The following MYO16 variants were observed in gnomAD, a reference collection of about 807,000 sequenced individuals.
MYO16 encodes the protein myosin XVI.
A neutral mutation model predicts 205.3 loss-of-function variants in MYO16; 94 were observed. The observed-to-expected ratio is 0.46, with a 90% CI of 0.39 to 0.54. The LOEUF (loss-of-function observed/expected upper bound fraction) is 0.54. MYO16 is among the 20% of genes least tolerant of loss of function. The pLI is 0.00. For missense variants in MYO16, 2,315 were observed against 2,387.5 expected, an observed-to-expected ratio of 0.97 and a Z score of 0.63; for synonymous variants, 988 against 954.0, an observed-to-expected ratio of 1.04 and a Z score of -0.66.
chr13:108,922,442 T>C (rs1881785111), intron 16 of MYO16, among the ~76,000 whole-genome samples: 2 of 152,182 alleles, frequency 1.3e-5, no homozygotes, highest in Admixed American at 1.3e-4. Context: ...AACTCCCTCT[T>C]TCACGTCTTC....
the MYO16 span, among the ~76,000 whole-genome samples, chr13:108,503,416 T>C: frequency 6.6e-6 from 1 of 151,794 alleles, no homozygotes; most frequent in East Asian, 1.9e-4. Flanking sequence ...GCCCCAATTT[T>C]CTTCATCAAG....
intron 5 of MYO16, among the ~76,000 whole-genome samples, chr13:108,788,511 T>C (rs745806228): frequency 2.6e-5 from 4 of 152,220 alleles, no homozygotes; most frequent in Non-Finnish European, 5.9e-5. Context: ...GGATACATTA[T>C]ACACACACAT....
At position 109,127,249 on chromosome 13, in the gene MYO16, C is replaced by T. The variant is rs763689340; in HGVS notation, c.3783-33C>T. ...GAATAATGCATCTGGGCCTCTCTGGCGTGGTGCTGTTTGTGTTTTGTTTCC... is the reference window on the plus strand; with the variant it reads ...GAATAATGCATCTGGGCCTCTCTGGTGTGGTGCTGTTTGTGTTTTGTTTCC... On this transcript the variant is annotated intron_variant, in intron 30 of 34. Transcript: ENST00000457511. The surrounding 1 kb of genome is among the most constrained non-coding windows in gnomAD (Gnocchi z 4.2). The T allele has an allele frequency of 3.2e-6, 5 of 1,541,578 alleles. No homozygotes were observed. The highest frequency in any genetic ancestry group is 2.7e-5 in the African/African-American group (2 of 73,200).
At chr13:108,678,253 A>C (rs16972902) in intron 2 of MYO16, among the ~76,000 whole-genome samples, 1 of 152,232 alleles carries the variant, frequency 6.6e-6, no homozygotes. Flanking sequence ...TTCATAAAGC[A>C]GCATTTGCAA....
At chr13:108,968,854 G>A (rs116668679) in intron 20 of MYO16, among the ~76,000 whole-genome samples, 2,564 of 152,282 alleles carry the variant, frequency 0.017, 56 homozygotes, top group African/African-American at 0.058. Flanking sequence ...CCCCACGAAC[G>A]CAGGAAGACT....
At chr13:108,836,668 C>G (rs1165703262) in intron 9 of MYO16, among the ~76,000 whole-genome samples, 1 of 152,202 alleles carries the variant, frequency 6.6e-6, no homozygotes, top group African/African-American at 2.4e-5. Context: ...CCTCTTGCAT[C>G]AGTGTAACCT....
intron 2 of MYO16, among the ~76,000 whole-genome samples, chr13:108,677,110 A>G (rs1226035838): frequency 2.6e-5 from 4 of 152,098 alleles, no homozygotes; most frequent in African/African-American, 9.7e-5. Context: ...GTCATCTTCC[A>G]TGTACTGTTC....
chr13:108,734,065 C>T (rs1884611447), intron 4 of MYO16, among the ~76,000 whole-genome samples: 1 of 152,252 alleles, frequency 6.6e-6, no homozygotes, highest in Non-Finnish European at 1.5e-5. Context: ...AAATACTGAG[C>T]TTCGCTCCTA....
intron 22 of MYO16, among the ~76,000 whole-genome samples, chr13:109,019,000 C>T (rs9587747): frequency 0.016 from 2,363 of 147,208 alleles, 66 homozygotes; most frequent in African/African-American, 0.057. Context: ...GGCAGGGTTG[C>T]GTCTGTTGTC....
intron 33 of MYO16, among the ~76,000 whole-genome samples, chr13:109,178,289 C>T (rs1404116502): frequency 1.3e-5 from 2 of 151,378 alleles, no homozygotes; most frequent in East Asian, 3.9e-4. Context: ...CAGCAAGAGA[C>T]CCCCCCCACC....
At chr13:109,089,188 C>CATTATT (rs34430414) in intron 27 of MYO16, among the ~76,000 whole-genome samples, 20,501 of 147,730 alleles carry the variant, frequency 0.14, 1,794 homozygotes, top group Non-Finnish European at 0.19. Context: ...TTGTTTTCTG[C>CATTATT]ATTATTATTA....
chr13:108,783,848 C>A (rs906605795), intron 4 of MYO16, among the ~76,000 whole-genome samples: 1 of 152,194 alleles, frequency 6.6e-6, no homozygotes. Context: ...GAGGCCTCCC[C>A]AGGCTTGTGA....
At chr13:108,783,799 G>A (rs183636947) in intron 4 of MYO16, among the ~76,000 whole-genome samples, 9 of 152,154 alleles carry the variant, frequency 5.9e-5, no homozygotes, top group East Asian at 5.8e-4. Flanking sequence ...TTTTACTGAC[G>A]CCTTGTAAGA....
intron 33 of MYO16, among the ~76,000 whole-genome samples, chr13:109,173,875 G>C (rs568063288): frequency 9.4e-6 from 1 of 106,268 alleles, no homozygotes; most frequent in African/African-American, 3.9e-5. Context: ...GTGACAGAGC[G>C]AGACTCCATC....
intron 6 of MYO16, among the ~76,000 whole-genome samples, chr13:108,800,316 C>T (rs1304588809): frequency 6.6e-6 from 1 of 152,206 alleles, no homozygotes; most frequent in Non-Finnish European, 1.5e-5. Context: ...TACAGCCTCT[C>T]TTTGCCATAA....
chr13:108,995,909 C>T (rs1368001272), intron 21 of MYO16, among the ~76,000 whole-genome samples: 4 of 152,006 alleles, frequency 2.6e-5, no homozygotes, highest in Non-Finnish European at 5.9e-5. Flanking sequence ...GTTAGAATGG[C>T]GATCATTAAA....
At chr13:108,678,378 T>G (rs1206566962) in intron 2 of MYO16, among the ~76,000 whole-genome samples, 1 of 152,164 alleles carries the variant, frequency 6.6e-6, no homozygotes, top group Non-Finnish European at 1.5e-5. Flanking sequence ...GGGAAAAGAA[T>G]TTTAATGTTT....
the MYO16 span, among the ~76,000 whole-genome samples, chr13:108,561,924 A>G: frequency 6.6e-6 from 1 of 152,212 alleles, no homozygotes; most frequent in Non-Finnish European, 1.5e-5. Context: ...GTTTATAAGG[A>G]CATCATTCCA....
intron 7 of MYO16, among the ~76,000 whole-genome samples, chr13:108,818,351 T>C (rs1875753169): frequency 6.7e-6 from 1 of 149,040 alleles, no homozygotes; most frequent in Non-Finnish European, 1.5e-5. Flanking sequence ...GCCACTGCAC[T>C]CCAGCCTGGG....
Sources: gnomAD v4.1 joint callset for allele counts (sites outside exome capture counted in the v4.1 genomes callset) on GRCh38, gnomAD v4.1.1 for gene constraint, Gnocchi (gnomAD v3.1) non-coding constraint, MANE v1.5 for transcripts, NCBI Gene and HGNC (gene_info 2026-07-23, HGNC 2026-07-21) for gene names.